LRRK1: variants seen among roughly 807,000 people sequenced by gnomAD.
The protein encoded by LRRK1 is leucine rich repeat kinase 1, also known as leucine-rich repeat serine/threonine-protein kinase 1.
Under a neutral mutation model 209.1 loss-of-function variants are expected in LRRK1, and 113 were observed. The ratio of observed to expected loss-of-function variants is 0.54; its 90% CI spans 0.46 to 0.63. The LOEUF (loss-of-function observed/expected upper bound fraction) is 0.63. Ranked by LOEUF, LRRK1 falls within the 30% of genes least tolerant of loss-of-function variation. The pLI is 0.00. For missense variants in LRRK1, 2,284 were observed against 2,632.2 expected (o/e 0.87, Z 2.89); for synonymous variants, 1,144 against 1,099.7 (o/e 1.04, Z -0.80).
chr15:100,982,609 C>A (rs1334493571), intron 3 of LRRK1, among the ~76,000 whole-genome samples: 1 of 152,190 alleles, frequency 6.6e-6, no homozygotes, highest in Non-Finnish European at 1.5e-5. Flanking sequence ...TCTGGGCCAC[C>A]AAGTCAAGAG....
Position 100,927,705 on chromosome 15 carries a change from G to A in LRRK1, c.97+2976G>A, listed in dbSNP as rs771725719. ...CCCTGTTTAGCATTAAGAAAATTAT[G>A]TTACATGTTAATGAATTACAATAAT... On this transcript the variant is annotated intron_variant, in intron 2 of 33. Transcript: ENST00000388948. 2.0e-5 allele frequency among the ~76,000 whole-genome samples: 3 copies of A among 152,310 alleles called. No individual in the cohort carries two copies. In the Middle Eastern group the frequency reaches 0.01, roughly 518 times the overall value.
chr15:101,059,422 A>G (rs2036023006), intron 29 of LRRK1, among the ~76,000 whole-genome samples: 1 of 152,146 alleles, frequency 6.6e-6, no homozygotes, highest in South Asian at 2.1e-4. Flanking sequence ...GTTATTCCAA[A>G]ACACAGCGAT....
chr15:101,028,498 C>T (rs2034142799), intron 19 of LRRK1, among the ~76,000 whole-genome samples: 2 of 152,198 alleles, frequency 1.3e-5, no homozygotes, highest in Non-Finnish European at 2.9e-5. Context: ...ATTCAAAAAA[C>T]GTGGCACTGA....
chr15:101,045,127 G>A (rs927888975), intron 20 of LRRK1, among the ~76,000 whole-genome samples: 3 of 152,250 alleles, frequency 2.0e-5, no homozygotes, highest in African/African-American at 7.2e-5. Flanking sequence ...GCGCCTGTAT[G>A]CTCGGGCCAT....
intron 6 of LRRK1, among the ~76,000 whole-genome samples, chr15:101,002,363 G>A (rs1031344203): frequency 2.0e-5 from 3 of 152,210 alleles, no homozygotes; most frequent in Non-Finnish European, 2.9e-5. Context: ...CACCACTGCC[G>A]TGGAAAACAA....
Position 101,062,653 on chromosome 15 carries a change from T to C in LRRK1, c.4877T>C (p.Val1626Ala), listed in dbSNP as rs753877975. 1.4e-5 allele frequency: 22 copies of C among 1,614,160 alleles called. No individual in the cohort carries two copies. The highest frequency in any genetic ancestry group is 1.8e-5 in the Non-Finnish European group (21 of 1,179,980). ...CAACAGGCCTTGGATACTCCAGCTGTCGTCACCTGCTTCTTGGCCGTGCCT... is the reference window on the plus strand; with the variant it reads ...CAACAGGCCTTGGATACTCCAGCTGCCGTCACCTGCTTCTTGGCCGTGCCT... ...TPQQALDTPA[V>A]VTCFLAVPVI... The change falls in exon 31 of 34, where the codon GTC (valine) becomes GCC (alanine). Residue 1626 changes from valine (V) to alanine (A), a missense_variant. Val to Ala is a moderately conservative substitution (Grantham distance 64). This residue lies in a region of LRRK1 where 643 missense variants were observed against 695.9 expected (regional missense o/e 0.92). Transcript: ENST00000388948.
intron 28 of LRRK1, 84 bp from the exon 29 acceptor site, chr15:101,057,906 G>T: frequency 7.0e-7 from 1 of 1,433,388 alleles, no homozygotes; most frequent in Non-Finnish European, 9.7e-7. Flanking sequence ...CTCCCTGGTT[G>T]GGGCTGGCTG....
In LRRK1 at chr15:101,008,859, A is replaced by G; in HGVS notation, c.785A>G (p.His262Arg). ...CAGGCTCTCCGTGTGAAATGGTCCC[A>G]TCTCAGACTGCCCTGGGTAGACCTA... ...GKTALRVKWS[H>R]LRLPWVDLDW... The change falls in exon 7 of 34, where the codon CAT (histidine) becomes CGT (arginine). Residue 262 changes from histidine to arginine, a missense_variant. Coordinates refer to ENST00000388948, the MANE Select transcript of LRRK1 (RefSeq NM_024652.6). The G allele has an allele frequency of 6.2e-7, 1 of 1,614,162 alleles. No individual in the cohort carries two copies. Among genetic ancestry groups the G allele is most frequent in the Non-Finnish European group, 8.5e-7 (1 of 1,179,984 alleles).
In LRRK1 at chr15:100,988,692, G is replaced by T; in HGVS notation, c.492G>T (p.Gly164=). Residue 164 remains glycine (G), a synonymous_variant, in exon 5 of 34, where the codon GGG becomes GGT. Coordinates refer to ENST00000388948, the MANE Select transcript of LRRK1 (RefSeq NM_024652.6). ...NWMLALACQR[G]HLGVVKLLVL... ...TGCTGGCCTTGGCTTGCCAGCGAGGGCACCTGGGGGTTGTGAAGCTCCTGG... is the reference window on the plus strand; with the variant it reads ...TGCTGGCCTTGGCTTGCCAGCGAGGTCACCTGGGGGTTGTGAAGCTCCTGG... 6.2e-7 allele frequency: 1 copy of T among 1,614,204 alleles called. No homozygotes were observed. The highest frequency in any genetic ancestry group is 8.5e-7 in the Non-Finnish European group (1 of 1,180,048).
Position 101,053,024 on chromosome 15 carries a change from C to T in LRRK1, c.3792C>T (p.Gly1264=). 1 of 1,613,050 alleles carries T rather than the reference C, an allele frequency of 6.2e-7. No individual in the cohort carries two copies. Among genetic ancestry groups the T allele is most frequent in the South Asian group, 1.1e-5 (1 of 91,056 alleles). The change falls in exon 25 of 34, where the codon GGC becomes GGT. Residue 1264 remains glycine (G), a synonymous_variant. Coordinates refer to ENST00000388948, the MANE Select transcript of LRRK1 (RefSeq NM_024652.6). ...TCATCTACCGGGCCCGGTACCAGGG[C>T]CAGCCTGTGGCCGTCAAGCGCTTCC... The part of the protein sequence containing the change: ...GTVIYRARYQ[G]QPVAVKRFHI...
chr15:100,937,815 G>A (rs779757044), intron 2 of LRRK1, among the ~76,000 whole-genome samples: 3 of 151,840 alleles, frequency 2.0e-5, no homozygotes, highest in African/African-American at 4.8e-5. Flanking sequence ...GATTACCGGC[G>A]TGAGCCACTG....
At chr15:100,944,302 G>T (rs1044440049) in intron 2 of LRRK1, among the ~76,000 whole-genome samples, 1 of 152,178 alleles carries the variant, frequency 6.6e-6, no homozygotes. Flanking sequence ...CAACCACAGC[G>T]CAGCATTGAT....
In LRRK1 at chr15:101,006,384, AAAAAAAAAG is replaced by A. The variant is rs1198123728; in HGVS notation, c.763-2448_763-2440del. On this transcript the variant is annotated intron_variant, in intron 6 of 33. Transcript: ENST00000388948. ...AACGACAATGTGATAAAAAAAAAAA[AAAAAAAAAG>A]AAAAGGCATTAAAAGGTGTGAAGAC... Among the ~76,000 whole-genome samples the A allele has an allele frequency of 9.3e-3, 1,406 of 150,512 alleles. 25 individuals carry two copies. Among genetic ancestry groups the A allele is most frequent in the African/African-American group, 0.034 (1,342 of 39,980 alleles).
At chr15:101,011,755 C>T (rs538210611) in intron 9 of LRRK1, among the ~76,000 whole-genome samples, 10 of 152,146 alleles carry the variant, frequency 6.6e-5, no homozygotes, top group East Asian at 1.9e-4. Flanking sequence ...GACAATGGGC[C>T]GGATGTTCTG....
chr15:101,052,030 G>A (rs562586166), intron 24 of LRRK1, 70 bp downstream of exon 24: 84 of 1,548,052 alleles, frequency 5.4e-5, no homozygotes, highest in Middle Eastern at 4.0e-4. Context: ...TGCAGTTGCC[G>A]AGTGATCTCC....
At chr15:101,010,892 G>A in intron 9 of LRRK1, 55 bp downstream of exon 9, 1 of 1,509,608 alleles carries the variant, frequency 6.6e-7, no homozygotes, top group Non-Finnish European at 9.0e-7. Context: ...CTCTCAGCTG[G>A]CCTCAGAGAG....
chr15:100,948,619 T>C (rs1397195474), intron 2 of LRRK1, among the ~76,000 whole-genome samples: 1 of 152,226 alleles, frequency 6.6e-6, no homozygotes, highest in Non-Finnish European at 1.5e-5. Context: ...AAATGTTATG[T>C]TTGGCCATAA....
chr15:100,949,677 C>A (rs1259587517), intron 2 of LRRK1, among the ~76,000 whole-genome samples: 1 of 152,058 alleles, frequency 6.6e-6, no homozygotes, highest in Non-Finnish European at 1.5e-5. Context: ...TACGCCATGA[C>A]CAAGTGGAAT....
At chr15:100,931,636 G>T (rs968421169) in intron 2 of LRRK1, among the ~76,000 whole-genome samples, 6 of 152,264 alleles carry the variant, frequency 3.9e-5, no homozygotes, top group East Asian at 3.9e-4. Flanking sequence ...CGATCTGCTG[G>T]TGGGGCTGGC....
Sources: allele counts gnomAD v4.1 joint callset (sites outside exome capture counted in the v4.1 genomes callset), GRCh38; gene constraint gnomAD v4.1.1; regional missense constraint gnomAD v4.1.1; transcripts MANE v1.5; gene names NCBI Gene and HGNC (gene_info 2026-07-23, HGNC 2026-07-21).